Variants in LRP1B observed in about 807,000 individuals in gnomAD.
The protein encoded by LRP1B is low-density lipoprotein receptor-related protein 1B.
In LRP1B, 217 loss-of-function variants were observed where a neutral mutation model predicts 556.6. The observed-to-expected ratio is 0.39, with a 90% confidence interval of 0.35 to 0.44. The LOEUF (loss-of-function observed/expected upper bound fraction) is 0.44, where lower values mean the gene tolerates loss of function less well. Ranked by LOEUF, LRP1B falls within the 20% of genes least tolerant of loss-of-function variation. LRP1B has a pLI of 1.00. For missense variants in LRP1B, 5,053 were observed against 5,620.8 expected (o/e 0.90, Z 3.23); for synonymous variants, 2,047 against 1,865.8 (o/e 1.10, Z -2.50).
At chr2:141,566,907 G>A (rs1300953238) in intron 2 of LRP1B, among the ~76,000 whole-genome samples, 1 of 152,130 alleles carries the variant, frequency 6.6e-6, no homozygotes, top group East Asian at 1.9e-4. Flanking sequence ...AGAAATAAAG[G>A]CACTTTGAAC....
intron 25 of LRP1B, among the ~76,000 whole-genome samples, chr2:140,873,348 C>T (rs1693201471): frequency 6.6e-6 from 1 of 151,972 alleles, no homozygotes; most frequent in African/African-American, 2.4e-5. Flanking sequence ...AGTAAGATTA[C>T]CATAACTTCT....
chr2:141,593,115 ATAATGATAT>A (rs1368489243), intron 2 of LRP1B, among the ~76,000 whole-genome samples: 3 of 152,168 alleles, frequency 2.0e-5, no homozygotes, highest in Non-Finnish European at 4.4e-5. Flanking sequence ...ACAGGACTAG[ATAATGATAT>A]TTCTGCAAAT....
At chr2:142,025,886 A>G (rs1703485565) in intron 1 of LRP1B, among the ~76,000 whole-genome samples, 3 of 152,126 alleles carry the variant, frequency 2.0e-5, no homozygotes, top group Admixed American at 2.0e-4. Context: ...TTCGAATTAC[A>G]ATGATAACAA....
chr2:141,014,087 C>A (rs1697832337), intron 13 of LRP1B, among the ~76,000 whole-genome samples: 1 of 152,010 alleles, frequency 6.6e-6, no homozygotes, highest in South Asian at 2.1e-4. Context: ...GTTCCTTTTG[C>A]TTATGATATT....
intron 15 of LRP1B, among the ~76,000 whole-genome samples, chr2:140,996,884 A>G (rs1234666079): frequency 1.3e-5 from 2 of 152,014 alleles, no homozygotes; most frequent in African/African-American, 2.4e-5. Context: ...AGACCTATAT[A>G]TATTATTCTG....
Position 140,678,883 on chromosome 2 carries a change from T to C in LRP1B, c.6799+21367A>G, listed in dbSNP as rs539596043. 3.9e-5 allele frequency among the ~76,000 whole-genome samples: 6 copies of C among 152,016 alleles called. No homozygotes were observed. The South Asian group carries it at 1.2e-3, about 32-fold the overall frequency. ...ACCTCCGCCTCCCATGTTCAAGCGA[T>C]TCACCTGCCTCAGCCTCCTGAGTAG... On this transcript the variant is annotated intron_variant, in intron 41 of 90. Transcript: ENST00000389484.
chr2:141,751,112 C>G (rs529444956), intron 2 of LRP1B, among the ~76,000 whole-genome samples: 1 of 151,854 alleles, frequency 6.6e-6, no homozygotes, highest in East Asian at 1.9e-4. Context: ...TTTTGTATTT[C>G]TATTCAAAAG....
intron 3 of LRP1B, among the ~76,000 whole-genome samples, chr2:141,397,225 AG>A (rs1167474933): frequency 1.3e-5 from 2 of 151,650 alleles, no homozygotes; most frequent in African/African-American, 4.8e-5. Context: ...ATATCCTTTA[AG>A]TAAAATTCTA....
intron 6 of LRP1B, among the ~76,000 whole-genome samples, chr2:141,204,512 T>C (rs1236873040): frequency 6.6e-6 from 1 of 152,196 alleles, no homozygotes. Flanking sequence ...GGGGTGTTAT[T>C]TTCCTGAGAG....
intron 3 of LRP1B, among the ~76,000 whole-genome samples, chr2:141,370,411 T>C (rs865999846): frequency 2.0e-5 from 3 of 152,314 alleles, no homozygotes; most frequent in Middle Eastern, 3.4e-3. Flanking sequence ...TGATGTTCAA[T>C]GTTTTTTCAT....
At chr2:141,643,117 G>A (rs925883916) in intron 2 of LRP1B, among the ~76,000 whole-genome samples, 3 of 152,096 alleles carry the variant, frequency 2.0e-5, no homozygotes, top group East Asian at 1.9e-4. Context: ...TTATTAATTC[G>A]CTAAGCAAAA....
chr2:140,500,939 C>T (rs114290250), intron 55 of LRP1B, among the ~76,000 whole-genome samples: 2,975 of 151,974 alleles, frequency 0.02, 42 homozygotes, highest in Non-Finnish European at 0.032. Flanking sequence ...AGAGTTGTTG[C>T]TCCATTAAAC....
At chr2:140,940,749 A>G (rs1695376353) in intron 20 of LRP1B, among the ~76,000 whole-genome samples, 1 of 152,146 alleles carries the variant, frequency 6.6e-6, no homozygotes, top group African/African-American at 2.4e-5. Flanking sequence ...ATGTATCATT[A>G]TAATAGAATG....
At chr2:140,406,344 A>T (rs567142015) in intron 66 of LRP1B, among the ~76,000 whole-genome samples, 1 of 152,242 alleles carries the variant, frequency 6.6e-6, no homozygotes, top group African/African-American at 2.4e-5. Context: ...CCCAAGCCAG[A>T]GCAACCAGGG....
At chr2:140,261,117 T>C (rs1681918300) in intron 86 of LRP1B, among the ~76,000 whole-genome samples, 1 of 151,708 alleles carries the variant, frequency 6.6e-6, no homozygotes, top group South Asian at 2.1e-4. Flanking sequence ...AACAATAGGT[T>C]TTCTGTTACT....
chr2:141,544,071 A>G (rs887677852), intron 2 of LRP1B, among the ~76,000 whole-genome samples: 1 of 151,994 alleles, frequency 6.6e-6, no homozygotes, highest in African/African-American at 2.4e-5. Context: ...AGCATTGTTA[A>G]TTTTTTCGTG....
intron 7 of LRP1B, among the ~76,000 whole-genome samples, chr2:141,174,445 G>A (rs1188087236): frequency 1.3e-5 from 2 of 151,998 alleles, no homozygotes; most frequent in Non-Finnish European, 2.9e-5. Context: ...GGATCATGTG[G>A]GCAGATTTCT....
chr2:140,634,714 A>T (rs1350390809), intron 41 of LRP1B, among the ~76,000 whole-genome samples: 1 of 152,088 alleles, frequency 6.6e-6, no homozygotes, highest in Admixed American at 6.6e-5. Flanking sequence ...AGCATGAGAA[A>T]AAAAGACAAT....
chr2:140,653,596 G>A (rs1436531533), intron 41 of LRP1B, among the ~76,000 whole-genome samples: 1 of 151,956 alleles, frequency 6.6e-6, no homozygotes, highest in Non-Finnish European at 1.5e-5. Context: ...AGCTATGTAA[G>A]AAAACAAGTT....
Sources: allele counts gnomAD v4.1 joint callset (sites outside exome capture counted in the v4.1 genomes callset), GRCh38; gene constraint gnomAD v4.1.1; transcripts MANE v1.5; gene names NCBI Gene and HGNC (gene_info 2026-07-23, HGNC 2026-07-21).